PROSER3: variants seen among roughly 807,000 people sequenced by gnomAD.
The protein encoded by PROSER3 is proline and serine-rich protein 3.
In PROSER3, 33 loss-of-function variants were observed where a neutral mutation model predicts 50.2. The observed-to-expected ratio is 0.66, with a 90% CI of 0.50 to 0.88. The LOEUF is 0.88. Ranked by LOEUF, PROSER3 falls within the 40% of genes least tolerant of loss-of-function variation. PROSER3 has a pLI of 0.00. For synonymous variants in PROSER3, 266 were observed against 259.3 expected, an observed-to-expected ratio of 1.03 and a Z score of -0.25; for missense variants, 623 against 612.7, an observed-to-expected ratio of 1.02 and a Z score of -0.18.
rs987482285 is a variant in PROSER3 at position 35,767,871 on chromosome 19, C to A, written c.1025C>A (p.Thr342Asn). 6.2e-7 allele frequency: 1 copy of A among 1,613,286 alleles called. No homozygotes were observed. Residue 342 changes from threonine to asparagine, a missense_variant, in exon 9 of 11, where the codon ACT (threonine) becomes AAT (asparagine). Thr to Asn is a moderately conservative substitution (Grantham distance 65, BLOSUM62 0). This residue lies in a region of PROSER3 where 380 missense variants were observed against 346.8 expected (regional missense o/e 1.10). Transcript: ENST00000396908. ...TCAGTGATACGGAAGAGCGAAGCCA[C>A]TCCTTCCCCTGGAGCCTGCCTGCAG...
intron 1 of PROSER3, 62 bp downstream of exon 1, chr19:35,758,288 CACAGCCTAGG>C: frequency 1.3e-6 from 2 of 1,541,482 alleles, no homozygotes; most frequent in Non-Finnish European, 1.8e-6. Context: ...GCGAGAGCAG[CACAGCCTAGG>C]ACGGGCTGGA....
chr19:35,758,402 T>C (rs781546891), intron 1 of PROSER3, 176 bp downstream of exon 1: 52 of 738,848 alleles, frequency 7.0e-5, no homozygotes, highest in Non-Finnish European at 1.1e-4. Context: ...GCCGTTAGCA[T>C]CCCGGGGGTC....
exon 8 of PROSER3, chr19:35,766,878 C>T (rs762316515): frequency 1.5e-5 from 23 of 1,551,954 alleles, no homozygotes; most frequent in African/African-American, 4.1e-5. Flanking sequence ...GCGGCAGCGG[C>T]GGAAGCTTGA....
intron 8 of PROSER3, chr19:35,767,661 G>A (rs1263301520): frequency 1.5e-5 from 16 of 1,095,280 alleles, no homozygotes; most frequent in East Asian, 5.2e-5. Context: ...GTGGCAGCTC[G>A]GCTGTTCCCT....
At chr19:35,759,910 C>G (rs1970900853) in exon 3 of PROSER3, 1 of 1,603,726 alleles carries the variant, frequency 6.2e-7, no homozygotes, top group African/African-American at 1.3e-5. Flanking sequence ...GGGACCCCCT[C>G]CCTGCCCAGC....
intron 5 of PROSER3, among the ~76,000 whole-genome samples, chr19:35,763,670 A>AT (rs1041907809): frequency 1.3e-3 from 191 of 144,478 alleles, no homozygotes; most frequent in African/African-American, 4.3e-3. Context: ...CGCCCGGCTA[A>AT]TTTTTTTTTG....
chr19:35,758,504 A>AT (rs1310598862), intron 1 of PROSER3: 7 of 393,824 alleles, frequency 1.8e-5, no homozygotes, highest in Non-Finnish European at 3.1e-5. Flanking sequence ...GAATTTCTTC[A>AT]TTTTGAAATG....
chr19:35,765,095 C>T, exon 7 of PROSER3: 1 of 1,614,006 alleles, frequency 6.2e-7, no homozygotes, highest in South Asian at 1.1e-5. Flanking sequence ...TTCCTCATTC[C>T]CCACCAGCTC....
chr19:35,762,546 T>TAA (rs3043403), intron 5 of PROSER3, 190 bp downstream of exon 5: 25,771 of 247,324 alleles, frequency 0.1, 2,034 homozygotes, highest in African/African-American at 0.25. Flanking sequence ...CTGCCTCTAC[T>TAA]AAAAAAAAAA....
exon 8 of PROSER3, chr19:35,766,952 G>A (rs1308973647): frequency 5.8e-6 from 9 of 1,549,288 alleles, no homozygotes; most frequent in Middle Eastern, 1.7e-4. Context: ...CCCTCCGCAC[G>A]TTGGTGAGCC....
downstream of PROSER3, chr19:35,769,644 T>G (rs2033159318): frequency 6.6e-6 from 1 of 152,202 alleles, no homozygotes; most frequent in Admixed American, 6.6e-5. Flanking sequence ...CCTTTGCCGC[T>G]CAGACCAAAA....
chr19:35,768,242 C>A lies in PROSER3; in HGVS notation c.1301+6C>A, dbSNP rs1276706654. The A allele has an allele frequency of 6.2e-7, 1 of 1,607,158 alleles. No individual in the cohort carries two copies. The highest frequency in any genetic ancestry group is 1.4e-5 in the African/African-American group (1 of 72,870). ...GAGCTGAGTCGGCAGAAAAGGTGAC[C>A]GACCCTCCATCCCCAGAGTCTATGA... On this transcript the variant is annotated splice_donor_region_variant and intron_variant, in intron 10 of 10. Transcript: ENST00000396908.
chr19:35,768,254 C>T lies in PROSER3; in HGVS notation c.1301+18C>T. ...CAGAAAAGGTGACCGACCCTCCATCCCCAGAGTCTATGACACTGGGCCCCG... is the reference window on the plus strand; with the variant it reads ...CAGAAAAGGTGACCGACCCTCCATCTCCAGAGTCTATGACACTGGGCCCCG... On this transcript the variant is annotated intron_variant, in intron 10 of 10. Coordinates refer to ENST00000396908, the Ensembl canonical transcript of PROSER3. The T allele has an allele frequency of 6.2e-7, 1 of 1,605,308 alleles. No homozygotes were observed. The highest frequency in any genetic ancestry group is 8.5e-7 in the Non-Finnish European group (1 of 1,177,084).
chr19:35,767,631 G>C, intron 8 of PROSER3: 1 of 805,484 alleles, frequency 1.2e-6, no homozygotes, highest in South Asian at 1.8e-5. Flanking sequence ...CCTCAGCTCA[G>C]GGGTGTCCTG....
At chr19:35,765,083 A>C in exon 7 of PROSER3, 2 of 1,613,620 alleles carry the variant, frequency 1.2e-6, no homozygotes, top group Admixed American at 1.7e-5. Context: ...CGATGCCAGC[A>C]CTTCCTCATT....
rs766601821 is a variant in PROSER3, at chr19:35,765,100, CA to C, written c.694del (p.Ser232AlafsTer81). 2.5e-6 allele frequency: 4 copies of C among 1,614,016 alleles called. No homozygotes were observed. The South Asian group carries it at 4.4e-5, about 18-fold the overall frequency. ...ATGCCAGCACTTCCTCATTCCCCAC[CA>C]GCTCTGATGGCCTCTCTCCCTTCTC... On this transcript the variant is annotated frameshift_variant, in exon 7 of 11. Transcript: ENST00000396908. LOFTEE classifies it high-confidence loss of function.
At chr19:35,765,739 T>C (rs1971120365) in intron 7 of PROSER3, among the ~76,000 whole-genome samples, 1 of 152,150 alleles carries the variant, frequency 6.6e-6, no homozygotes, top group Non-Finnish European at 1.5e-5. Context: ...CTCACTATGT[T>C]GCTCAGGCTG....
chr19:35,762,202 C>A (rs1386270590), intron 4 of PROSER3, 51 bp from the exon 5 acceptor site: 11 of 1,593,500 alleles, frequency 6.9e-6, no homozygotes, highest in Admixed American at 3.4e-5. Flanking sequence ...CTGATCAATG[C>A]CCCCAGCAGC....
At chr19:35,759,280 A>G (rs952236269) in intron 1 of PROSER3, 94 bp from the exon 2 acceptor site, 8 of 926,234 alleles carry the variant, frequency 8.6e-6, no homozygotes, top group Non-Finnish European at 1.3e-5. Context: ...CCAGGAATCT[A>G]TGGGAATTGT....
Sources: allele counts gnomAD v4.1 joint callset (sites outside exome capture counted in the v4.1 genomes callset), GRCh38; gene constraint gnomAD v4.1.1; regional missense constraint gnomAD v4.1.1; transcripts MANE v1.5; gene names NCBI Gene and HGNC (gene_info 2026-07-23, HGNC 2026-07-21).